ZFAND6: variants seen among roughly 807,000 people sequenced by gnomAD.
ZFAND6 encodes the protein AN1-type zinc finger protein 6.
In ZFAND6, 12 loss-of-function variants were observed where a neutral mutation model predicts 24.5. The ratio of observed to expected loss-of-function variants is 0.49; its 90% CI spans 0.31 to 0.79. The LOEUF (loss-of-function observed/expected upper bound fraction) is 0.79, where lower values mean the gene tolerates loss of function less well. Ranked by LOEUF, ZFAND6 falls within the 30% of genes least tolerant of loss-of-function variation. ZFAND6 has a pLI of 0.04. For missense variants in ZFAND6, 207 were observed against 245.9 expected, an observed-to-expected ratio of 0.84 and a Z score of 1.06; for synonymous variants, 92 against 81.5, an observed-to-expected ratio of 1.13 and a Z score of -0.69.
chr15:80,089,152 C>G (rs2038182693), intron 1 of ZFAND6, among the ~76,000 whole-genome samples: 1 of 151,876 alleles, frequency 6.6e-6, no homozygotes, highest in Admixed American at 6.6e-5. Flanking sequence ...CTGTTCTTCA[C>G]TGATCACACC....
chr15:80,067,888 A>G (rs901825229), intron 1 of ZFAND6, among the ~76,000 whole-genome samples: 2 of 152,228 alleles, frequency 1.3e-5, no homozygotes, highest in Admixed American at 1.3e-4. Flanking sequence ...TTAAAATATT[A>G]CATATTGAAG....
At chr15:80,087,959 G>A (rs2038103236) in intron 1 of ZFAND6, among the ~76,000 whole-genome samples, 1 of 152,098 alleles carries the variant, frequency 6.6e-6, no homozygotes, top group Admixed American at 6.6e-5. Flanking sequence ...TTGAGCATAA[G>A]CTGGAGACTT....
At chr15:80,122,638 C>A in intron 4 of ZFAND6, 62 bp from the exon 5 acceptor site, 1 of 1,049,836 alleles carries the variant, frequency 9.5e-7, no homozygotes, top group Non-Finnish European at 1.5e-6. Flanking sequence ...CTTACTGTGT[C>A]ACATTAGTTA....
chr15:80,096,313 A>C (rs2038718576), intron 1 of ZFAND6, among the ~76,000 whole-genome samples: 1 of 152,226 alleles, frequency 6.6e-6, no homozygotes, highest in African/African-American at 2.4e-5. Context: ...AGATTGGTAC[A>C]GTTTATGTTT....
intron 2 of ZFAND6, among the ~76,000 whole-genome samples, chr15:80,107,680 T>C (rs2039405645): frequency 6.6e-6 from 1 of 151,950 alleles, no homozygotes; most frequent in Non-Finnish European, 1.5e-5. Flanking sequence ...CAAAAAGTCA[T>C]GATGATAGGC....
At chr15:80,129,023 G>C (rs372037498) in intron 5 of ZFAND6, among the ~76,000 whole-genome samples, 2 of 152,142 alleles carry the variant, frequency 1.3e-5, no homozygotes, top group African/African-American at 4.8e-5. Context: ...GAACAGGTTA[G>C]ATATGGCTTA....
rs1447215441 is a variant in ZFAND6, at chr15:80,065,228, C to T, written c.-181+5419C>T. On this transcript the variant is annotated intron_variant, in intron 1 of 6. Transcript: ENST00000261749. The stretch of plus-strand genomic sequence containing the variant: ...TTTGACATATGTGAAGTGAAATAAC[C>T]TCCCTTATTTTTCCTTAAAAATTTT... 4.6e-5 allele frequency among the ~76,000 whole-genome samples: 7 copies of T among 151,014 alleles called. No individual in the cohort carries two copies. In the South Asian group the frequency reaches 1.0e-3, roughly 22 times the overall value.
intron 4 of ZFAND6, 152 bp downstream of exon 4, chr15:80,121,972 A>AAATCGCTT: frequency 1.5e-6 from 1 of 656,000 alleles, no homozygotes; most frequent in Non-Finnish European, 2.5e-6. Flanking sequence ...AGAAAAAGCG[A>AAATCGCTT]TTTCTTGCTT....
At chr15:80,059,411 C>A (rs185220012), upstream of ZFAND6, among the ~76,000 whole-genome samples, 1 of 152,212 alleles carries the variant, frequency 6.6e-6, no homozygotes, top group Non-Finnish European at 1.5e-5. Context: ...CCAGAGAGGG[C>A]AGTGGAGCAA....
chr15:80,083,626 A>AGGCTG (rs2037813777), intron 1 of ZFAND6, among the ~76,000 whole-genome samples: 1 of 152,172 alleles, frequency 6.6e-6, no homozygotes, highest in Non-Finnish European at 1.5e-5. Context: ...CATGGAAGTT[A>AGGCTG]GGCTGGGCAC....
chr15:80,120,567 A>G (rs971418132), intron 3 of ZFAND6, 69 bp downstream of exon 3: 8 of 1,300,364 alleles, frequency 6.2e-6, no homozygotes, highest in African/African-American at 6.0e-5. Flanking sequence ...GGTATACCCA[A>G]TACCTTTTTC....
intron 2 of ZFAND6, among the ~76,000 whole-genome samples, chr15:80,109,057 G>A (rs1596282659): frequency 6.6e-6 from 1 of 152,142 alleles, no homozygotes; most frequent in Non-Finnish European, 1.5e-5. Flanking sequence ...GAACTGTATA[G>A]TCATAGGTGG....
At chr15:80,135,480 AT>A (rs1316121912) in intron 6 of ZFAND6, among the ~76,000 whole-genome samples, 3 of 152,268 alleles carry the variant, frequency 2.0e-5, no homozygotes, top group Admixed American at 6.5e-5. Context: ...GTCAAAATGT[AT>A]TGTTTACCAT....
chr15:80,098,553 G>C lies in ZFAND6; in HGVS notation c.-43G>C, dbSNP rs1040754575. The C allele has an allele frequency of 2.0e-5, 3 of 152,226 alleles. No individual in the cohort carries two copies. Among genetic ancestry groups the C allele is most frequent in the Non-Finnish European group, 4.4e-5 (3 of 68,042 alleles). The allele number at this position is 152,226 out of a possible 1,614,324, so 9.4% of individuals were successfully genotyped here. ...AATGTCTGTCTCAAGATACAGGACA[G>C]CTGTTTGCTCATCAACCTCAACTGT... On this transcript the variant is annotated 5_prime_UTR_variant, in exon 2 of 7. Coordinates refer to ENST00000261749, the MANE Select transcript of ZFAND6 (RefSeq NM_019006.4).
chr15:80,132,369 TA>T (rs1394819068), intron 6 of ZFAND6, among the ~76,000 whole-genome samples: 1 of 152,190 alleles, frequency 6.6e-6, no homozygotes, highest in African/African-American at 2.4e-5. Flanking sequence ...AAATCTATTA[TA>T]AAAAATTAAA....
chr15:80,110,821 A>G (rs2039569403), intron 2 of ZFAND6, among the ~76,000 whole-genome samples: 1 of 152,198 alleles, frequency 6.6e-6, no homozygotes, highest in South Asian at 2.1e-4. Flanking sequence ...ACCTCATTCC[A>G]TACCAAGAAA....
chr15:80,065,274 C>A (rs981136466), intron 1 of ZFAND6, among the ~76,000 whole-genome samples: 15 of 150,010 alleles, frequency 1.0e-4, no homozygotes, highest in Non-Finnish European at 2.1e-4. Context: ...AAAAAAAAAA[C>A]AACTTGTTGC....
chr15:80,096,485 A>G (rs1294149248), intron 1 of ZFAND6, among the ~76,000 whole-genome samples: 1 of 152,246 alleles, frequency 6.6e-6, no homozygotes, highest in East Asian at 1.9e-4. Context: ...TAAAATATTC[A>G]TATGTACCAT....
At chr15:80,065,536 G>GGTTTTTTTTTTTTT (rs1341209807) in intron 1 of ZFAND6, among the ~76,000 whole-genome samples, 1 of 84,984 alleles carries the variant, frequency 1.2e-5, no homozygotes, top group East Asian at 3.3e-4. Context: ...TTTTGGTTTT[G>GGTTTTTTTTTTTTT]ATTTTTTTTT....
Sources: gnomAD v4.1 joint callset for allele counts (sites outside exome capture counted in the v4.1 genomes callset) on GRCh38, gnomAD v4.1.1 for gene constraint, MANE v1.5 for transcripts, NCBI Gene and HGNC (gene_info 2026-07-23, HGNC 2026-07-21) for gene names.